Variants in FSTL4 observed in about 807,000 individuals in gnomAD.
The protein encoded by FSTL4 is follistatin-related protein 4.
A neutral mutation model predicts 78.2 loss-of-function variants in FSTL4; 28 were observed. The observed-to-expected ratio is 0.36, with a 90% CI of 0.27 to 0.49. The LOEUF (loss-of-function observed/expected upper bound fraction) is 0.49. FSTL4 is among the 20% of genes least tolerant of loss of function. The pLI, the probability that FSTL4 is intolerant of heterozygous loss-of-function variation, is 0.98. For missense variants in FSTL4, 922 were observed against 1,084.9 expected (o/e 0.85, Z 2.11); for synonymous variants, 422 against 440.5 (o/e 0.96, Z 0.53).
At chr5:133,310,584 A>G (rs1482218551) in intron 6 of FSTL4, among the ~76,000 whole-genome samples, 2 of 152,198 alleles carry the variant, frequency 1.3e-5, no homozygotes, top group Non-Finnish European at 2.9e-5. Flanking sequence ...AGAGGCTGCT[A>G]TGGTACCAGG....
intron 4 of FSTL4, among the ~76,000 whole-genome samples, chr5:133,335,524 C>T (rs533921507): frequency 2.0e-5 from 3 of 152,240 alleles, no homozygotes; most frequent in East Asian, 1.9e-4. Flanking sequence ...AAGCCACCCC[C>T]GGACAGGCCC....
chr5:133,790,882 T>G, the FSTL4 span, among the ~76,000 whole-genome samples: 1 of 152,224 alleles, frequency 6.6e-6, no homozygotes, highest in Non-Finnish European at 1.5e-5. Flanking sequence ...GCCTCCTGAC[T>G]GGCTCCCTGA....
chr5:133,200,383 G>A (rs1436157407), intron 15 of FSTL4, among the ~76,000 whole-genome samples: 1 of 152,246 alleles, frequency 6.6e-6, no homozygotes, highest in African/African-American at 2.4e-5. Flanking sequence ...GGTGATGCGG[G>A]TAGGAAGAAC....
At chr5:133,414,771 C>T (rs150553709) in intron 3 of FSTL4, among the ~76,000 whole-genome samples, 1,932 of 152,274 alleles carry the variant, frequency 0.013, 34 homozygotes, top group African/African-American at 0.038. Flanking sequence ...ACCATTTAGC[C>T]CTTTGGAGAA....
At chr5:133,299,684 A>T (rs1366478383) in intron 6 of FSTL4, among the ~76,000 whole-genome samples, 2 of 152,266 alleles carry the variant, frequency 1.3e-5, no homozygotes, top group East Asian at 3.9e-4. Context: ...CTGCTTCTCC[A>T]ACCAGCAGAA....
At chr5:133,306,466 A>T (rs190426735) in intron 6 of FSTL4, among the ~76,000 whole-genome samples, 1 of 152,352 alleles carries the variant, frequency 6.6e-6, no homozygotes, top group Admixed American at 6.5e-5. Context: ...ATCTTCAATA[A>T]GGCATCATTA....
At chr5:133,653,872 A>C in the FSTL4 span, among the ~76,000 whole-genome samples, 1 of 152,242 alleles carries the variant, frequency 6.6e-6, no homozygotes, top group Admixed American at 6.5e-5. Flanking sequence ...ACCGGGCTGC[A>C]TTGTTAAAGG....
rs187953859 is a variant in FSTL4 at position 133,383,490 on chromosome 5, C to T, written c.409+17248G>A. Among the ~76,000 whole-genome samples the T allele has an allele frequency of 7.2e-5, 11 of 152,286 alleles. No homozygotes were observed. In the East Asian group the frequency reaches 1.9e-3, roughly 27 times the overall value. On this transcript the variant is annotated intron_variant, in intron 4 of 15. Transcript: ENST00000265342. ...ACTTGTCAAAACCAGATCTCCATCC[C>T]ATTGAATGACAAACCAGTGCCCACT... is the stretch of plus-strand genomic sequence containing the variant.
intron 3 of FSTL4, among the ~76,000 whole-genome samples, chr5:133,472,704 C>T (rs531330296): frequency 1.3e-5 from 2 of 152,282 alleles, no homozygotes; most frequent in South Asian, 2.1e-4. Context: ...AATGTAAATG[C>T]GATTTATTTG....
the FSTL4 span, among the ~76,000 whole-genome samples, chr5:133,693,326 T>C: frequency 6.6e-6 from 1 of 152,208 alleles, no homozygotes; most frequent in African/African-American, 2.4e-5. Flanking sequence ...GAGCCTTTTA[T>C]GGGAACAGAA....
intron 6 of FSTL4, among the ~76,000 whole-genome samples, chr5:133,291,745 C>T (rs887439742): frequency 2.6e-5 from 4 of 152,120 alleles, no homozygotes; most frequent in South Asian, 2.1e-4. Flanking sequence ...TTGCAGGCCT[C>T]AGTTCCTGTA....
intron 6 of FSTL4, among the ~76,000 whole-genome samples, chr5:133,262,395 G>A (rs1418637994): frequency 3.3e-5 from 5 of 152,210 alleles, no homozygotes; most frequent in Admixed American, 1.3e-4. Flanking sequence ...TTCACCTAAA[G>A]GGCCTAATTG....
chr5:133,489,279 A>T lies in FSTL4; in HGVS notation c.160+77907T>A, dbSNP rs200527996. Among the ~76,000 whole-genome samples, 20 of 152,276 alleles carry T rather than the reference A, an allele frequency of 1.3e-4. No homozygotes were observed. The East Asian group carries it at 3.7e-3, about 28-fold the overall frequency. On this transcript the variant is annotated intron_variant, in intron 3 of 15. Transcript: ENST00000265342. ...CTGTTCAGAGATGTTCATTGCACTGAGTGTTGGGATGGGGCCAAGTGTCAT... is the reference window on the plus strand; with the variant it reads ...CTGTTCAGAGATGTTCATTGCACTGTGTGTTGGGATGGGGCCAAGTGTCAT...
chr5:133,676,006 C>A, the FSTL4 span, among the ~76,000 whole-genome samples: 1 of 152,110 alleles, frequency 6.6e-6, no homozygotes, highest in East Asian at 1.9e-4. Context: ...CACAGGCCCT[C>A]CCCACCCTAG....
intron 2 of FSTL4, 36 bp downstream of exon 2, chr5:133,603,822 G>A (rs1024205070): frequency 6.2e-7 from 1 of 1,605,484 alleles, no homozygotes; most frequent in Admixed American, 1.7e-5. Flanking sequence ...AAAGCAATCA[G>A]TTTGAAATGT....
intron 7 of FSTL4, among the ~76,000 whole-genome samples, chr5:133,235,705 T>G (rs1751640201): frequency 6.6e-6 from 1 of 152,100 alleles, no homozygotes; most frequent in Admixed American, 6.5e-5. Flanking sequence ...CCCTGAGAGT[T>G]TGTTGTGAAA....
chr5:133,673,929 T>C, the FSTL4 span, among the ~76,000 whole-genome samples: 1 of 152,254 alleles, frequency 6.6e-6, no homozygotes. Context: ...GTTCTTACTA[T>C]AATTTTTCAC....
chr5:133,515,707 C>CA, intron 3 of FSTL4, among the ~76,000 whole-genome samples: 1 of 148,108 alleles, frequency 6.8e-6, no homozygotes, highest in East Asian at 2.0e-4. Flanking sequence ...GCAAAACGTA[C>CA]AAAAAATATA....
the FSTL4 span, among the ~76,000 whole-genome samples, chr5:133,678,479 T>G: frequency 6.6e-6 from 1 of 152,168 alleles, no homozygotes; most frequent in Non-Finnish European, 1.5e-5. Flanking sequence ...CCCAAGATTT[T>G]AGATCCAAGG....
Sources: gnomAD v4.1 joint callset for allele counts (sites outside exome capture counted in the v4.1 genomes callset) on GRCh38, gnomAD v4.1.1 for gene constraint, MANE v1.5 for transcripts, NCBI Gene and HGNC (gene_info 2026-07-23, HGNC 2026-07-21) for gene names.